The following FKBP9 variants were observed in gnomAD, a reference collection of about 807,000 sequenced individuals.
FKBP9 encodes FKBP prolyl isomerase 9.
Under a neutral mutation model 55.6 loss-of-function variants are expected in FKBP9, and 27 were observed. That is an observed-to-expected ratio of 0.49 (90% CI 0.36 to 0.67). The LOEUF is 0.67. FKBP9 is among the 30% of genes least tolerant of loss of function. The probability of loss-of-function intolerance (pLI) is 0.00; values close to 1 mark genes in which losing one functional copy is unlikely to be tolerated. For synonymous variants in FKBP9, 267 were observed against 296.5 expected (o/e 0.90, Z 1.02); for missense variants, 539 against 742.8 (o/e 0.73, Z 3.19).
chr7:32,981,188 C>A (rs1180232533), intron 5 of FKBP9, among the ~76,000 whole-genome samples: 2 of 151,910 alleles, frequency 1.3e-5, no homozygotes, highest in African/African-American at 4.8e-5. Context: ...AGCTGTATGA[C>A]TTTGGATAGT....
chr7:32,983,151 G>C (rs867865724), intron 5 of FKBP9, among the ~76,000 whole-genome samples: 1 of 152,036 alleles, frequency 6.6e-6, no homozygotes, highest in African/African-American at 2.4e-5. Context: ...AGCCTCCTTA[G>C]TAGCTAGGAT....
chr7:32,959,018 A>G (rs761137141), intron 1 of FKBP9, among the ~76,000 whole-genome samples: 13 of 152,140 alleles, frequency 8.5e-5, no homozygotes, highest in Non-Finnish European at 1.2e-4. Flanking sequence ...GAAGTTCCAG[A>G]CAATGAATAT....
intron 1 of FKBP9, among the ~76,000 whole-genome samples, chr7:32,965,834 T>TATATATGTACAC (rs1554284339): frequency 5.6e-5 from 3 of 53,594 alleles, no homozygotes; most frequent in Non-Finnish European, 1.0e-4. Context: ...TATATATATA[T>TATATATGTACAC]ATATATATAT....
At position 32,957,454 on chromosome 7, in the gene FKBP9, G is replaced by C. The variant is rs1783921260; in HGVS notation, c.-120G>C. On this transcript the variant is annotated 5_prime_UTR_variant, in exon 1 of 10. Coordinates refer to ENST00000242209, the MANE Select transcript of FKBP9 (RefSeq NM_007270.5). ...GGGCGGCCGGGGAGACGGGGTGGCGGCTGCAGCCCGGGTAGGGCCAGGAGA... is the reference window on the plus strand; with the variant it reads ...GGGCGGCCGGGGAGACGGGGTGGCGCCTGCAGCCCGGGTAGGGCCAGGAGA... 1.4e-6 allele frequency: 1 copy of C among 705,192 alleles called. No individual in the cohort carries two copies. Among genetic ancestry groups the C allele is most frequent in the African/African-American group, 1.9e-5 (1 of 53,476 alleles). 43.7% of individuals were successfully genotyped at this position (705,192 alleles called of 1,614,324 possible). A position where few individuals can be genotyped will look rare whatever the true frequency, so the allele number is the denominator to read the frequency against.
At chr7:32,976,936 A>G (rs1295805926) in intron 4 of FKBP9, among the ~76,000 whole-genome samples, 1 of 152,210 alleles carries the variant, frequency 6.6e-6, no homozygotes, top group Non-Finnish European at 1.5e-5. Flanking sequence ...TGGCTTTAAC[A>G]TTTGTGAAAT....
Position 33,006,424 on chromosome 7 carries a change from T to C in FKBP9, c.*1073T>C, listed in dbSNP as rs1005061225. On this transcript the variant is annotated 3_prime_UTR_variant, in exon 10 of 10. Coordinates refer to ENST00000242209, the MANE Select transcript of FKBP9 (RefSeq NM_007270.5). ...TCACCATGCCCAGCCACTTAGTTTT[T>C]TCTTATTCCCACCTTTCTATCCCAT... 6 of 204,698 alleles carry C rather than the reference T, an allele frequency of 2.9e-5. No homozygotes were observed. The highest frequency in any genetic ancestry group is 1.4e-4 in the African/African-American group (6 of 43,714). The allele number at this position is 204,698 out of a possible 1,614,324, so 12.7% of individuals were successfully genotyped here. A position where few individuals can be genotyped will look rare whatever the true frequency, so the allele number is the denominator to read the frequency against.
At chr7:32,987,727 C>T (rs1046677916) in intron 5 of FKBP9, among the ~76,000 whole-genome samples, 8 of 152,092 alleles carry the variant, frequency 5.3e-5, no homozygotes, top group East Asian at 3.9e-4. Flanking sequence ...TCAACCTCTC[C>T]GGCACAAGCA....
At chr7:32,994,452 C>A (rs1784745373) in intron 6 of FKBP9, among the ~76,000 whole-genome samples, 1 of 152,174 alleles carries the variant, frequency 6.6e-6, no homozygotes, top group Non-Finnish European at 1.5e-5. Context: ...AGATCTGCCT[C>A]TGCAGACACC....
chr7:32,968,557 G>T (rs1177948804), intron 1 of FKBP9, among the ~76,000 whole-genome samples: 1 of 150,578 alleles, frequency 6.6e-6, no homozygotes, highest in Non-Finnish European at 1.5e-5. Context: ...ATATTGCATT[G>T]TGGTTTTCTT....
intron 7 of FKBP9, among the ~76,000 whole-genome samples, chr7:32,996,876 G>A (rs1381895111): frequency 7.6e-6 from 1 of 132,368 alleles, no homozygotes; most frequent in African/African-American, 2.9e-5. Context: ...CTCACTGCAA[G>A]CTCCGCTTCC....
chr7:33,001,467 G>A (rs915281131), intron 8 of FKBP9, among the ~76,000 whole-genome samples: 1 of 151,966 alleles, frequency 6.6e-6, no homozygotes, highest in Non-Finnish European at 1.5e-5. Context: ...CCCAGGAGGT[G>A]GAGCTTGCAG....
At chr7:32,965,331 A>G (rs1219803372) in intron 1 of FKBP9, among the ~76,000 whole-genome samples, 1 of 151,886 alleles carries the variant, frequency 6.6e-6, no homozygotes, top group Non-Finnish European at 1.5e-5. Flanking sequence ...AGGTTTTGCC[A>G]TGTTGCCCAG....
In FKBP9 at chr7:32,975,336, C is replaced by T. The variant is rs1314548179; in HGVS notation, c.522C>T (p.Asn174=). ...CTGATTTTGTGAGGTACCACTACAA[C>T]GGGACGTTCCTGGACGGAACTCTGT... ...QVSDFVRYHY[N]GTFLDGTLFD... is the part of the protein sequence containing the mutation. Residue 174 remains asparagine, a synonymous_variant, in exon 3 of 10, where the codon AAC becomes AAT. Coordinates refer to ENST00000242209, the MANE Select transcript of FKBP9 (RefSeq NM_007270.5). 14 of 1,613,850 alleles carry T rather than the reference C, an allele frequency of 8.7e-6. No homozygotes were observed. Among genetic ancestry groups the T allele is most frequent in the South Asian group, 2.2e-5 (2 of 91,080 alleles).
At chr7:32,993,855 A>G (rs753939349) in intron 6 of FKBP9, among the ~76,000 whole-genome samples, 1 of 152,092 alleles carries the variant, frequency 6.6e-6, no homozygotes. Flanking sequence ...AATAAATTTC[A>G]TTCCTTTTTA....
chr7:32,999,022 T>C (rs1784873023), intron 7 of FKBP9, among the ~76,000 whole-genome samples: 1 of 152,226 alleles, frequency 6.6e-6, no homozygotes, highest in African/African-American at 2.4e-5. Context: ...TGGAATATTC[T>C]GTCATAAGAC....
intron 8 of FKBP9, among the ~76,000 whole-genome samples, chr7:33,001,620 C>T (rs1011877716): frequency 2.8e-4 from 42 of 151,524 alleles, no homozygotes; most frequent in African/African-American, 1.0e-3. Context: ...TTATATATAA[C>T]ATATAATCTA....
intron 3 of FKBP9, 48 bp downstream of exon 3, chr7:32,975,419 G>A (rs751532791): frequency 2.0e-6 from 3 of 1,494,004 alleles, no homozygotes; most frequent in Admixed American, 1.7e-5. Flanking sequence ...CCCATGCATA[G>A]TTCTTTCCTT....
chr7:32,991,943 G>T (rs1181413273), intron 6 of FKBP9, among the ~76,000 whole-genome samples: 2 of 152,014 alleles, frequency 1.3e-5, no homozygotes, highest in African/African-American at 4.8e-5. Context: ...TTCAAACCTG[G>T]AAACAGTCTT....
At chr7:32,993,696 G>A (rs1158738164) in intron 6 of FKBP9, among the ~76,000 whole-genome samples, 6 of 152,006 alleles carry the variant, frequency 3.9e-5, no homozygotes, top group Non-Finnish European at 7.4e-5. Flanking sequence ...GTGGTGGTAC[G>A]CGTCTGTAAT....
Sources: gnomAD v4.1 joint callset for allele counts (sites outside exome capture counted in the v4.1 genomes callset) on GRCh38, gnomAD v4.1.1 for gene constraint, MANE v1.5 for transcripts, NCBI Gene and HGNC (gene_info 2026-07-23, HGNC 2026-07-21) for gene names.